ZNF415: variants seen among roughly 807,000 people sequenced by gnomAD.
ZNF415 encodes the protein zinc finger protein 415.
A neutral mutation model predicts 7.3 loss-of-function variants in ZNF415; 5 were observed. The observed-to-expected ratio is 0.69, with a 90% confidence interval of 0.36 to 1.44. The LOEUF is 1.44. ZNF415 is among the 40% of genes most tolerant of loss of function. The probability of loss-of-function intolerance (pLI) is 0.04; values close to 1 mark genes in which losing one functional copy is unlikely to be tolerated. For synonymous variants in ZNF415, 207 were observed against 226.3 expected, an observed-to-expected ratio of 0.91 and a Z score of 0.77; for missense variants, 628 against 664.8, an observed-to-expected ratio of 0.94 and a Z score of 0.61.
rs1246376359 is a variant in ZNF415, at chr19:53,113,398, A to T, written c.136+2915T>A. Among the ~76,000 whole-genome samples the T allele has an allele frequency of 5.1e-5, 4 of 78,848 alleles. 2 individuals carry two copies. The allele number at this position is 78,848 out of a possible 152,430, so 51.7% of individuals were successfully genotyped here. On this transcript the variant is annotated intron_variant, in intron 3 of 3. Transcript: ENST00000243643. ...GGCGCACGCCTGTAGTCCCAGCTAC[A>T]CGGGAGGCTGAGGCAGGAGAATGGC...
chr19:53,124,524 G>A (rs11878412), intron 1 of ZNF415, among the ~76,000 whole-genome samples: 80,497 of 151,916 alleles, frequency 0.53, 22,615 homozygotes, highest in East Asian at 0.67. Flanking sequence ...CACTCACCAG[G>A]CCCTACCTCC....
At chr19:53,120,881 G>A (rs1300246470) in intron 2 of ZNF415, among the ~76,000 whole-genome samples, 3 of 148,478 alleles carry the variant, frequency 2.0e-5, no homozygotes, top group African/African-American at 7.5e-5. Context: ...GTCAGGAGTT[G>A]GAGACCAGCC....
At chr19:53,130,472 T>C (rs2089916576) in intron 1 of ZNF415, among the ~76,000 whole-genome samples, 1 of 152,110 alleles carries the variant, frequency 6.6e-6, no homozygotes, top group African/African-American at 2.4e-5. Context: ...ACATTATATT[T>C]AGAAAATGCC....
At chr19:53,114,253 T>C (rs559879764) in intron 3 of ZNF415, among the ~76,000 whole-genome samples, 56 of 152,278 alleles carry the variant, frequency 3.7e-4, no homozygotes, top group Middle Eastern at 6.8e-3. Context: ...CTCAGCTCAC[T>C]GCAACCTCCG....
At chr19:53,125,738 G>C (rs1328247205) in intron 1 of ZNF415, among the ~76,000 whole-genome samples, 1 of 151,958 alleles carries the variant, frequency 6.6e-6, no homozygotes, top group Non-Finnish European at 1.5e-5. Context: ...GGGAGTTTGA[G>C]GCCAGCCTGA....
intron 1 of ZNF415, among the ~76,000 whole-genome samples, chr19:53,125,113 G>A (rs971003398): frequency 3.3e-5 from 5 of 151,916 alleles, no homozygotes; most frequent in African/African-American, 7.3e-5. Context: ...GCGTGATCTC[G>A]GCTCACTGCA....
chr19:53,115,645 AAG>A, intron 3 of ZNF415: 1 of 1,312,328 alleles, frequency 7.6e-7, no homozygotes, highest in Non-Finnish European at 1.1e-6. Flanking sequence ...CCCACTTGCT[AAG>A]AGTTTCCAAA....
Position 53,108,545 on chromosome 19 carries a change from C to T in ZNF415, c.1500G>A (p.Glu500=), listed in dbSNP as rs770609141. Reference sequence around the variant, plus strand: ...GGCGCACACTAAAGGATTTGCCACACTCATTACATTTGTAAGGTTTTTCTC... The same window carrying T: ...GGCGCACACTAAAGGATTTGCCACATTCATTACATTTGTAAGGTTTTTCTC... The part of the protein sequence containing the change: ...HTGEKPYKCN[E]CGKSFSVRPN... The change falls in exon 4 of 4, where the codon GAG becomes GAA. Residue 500 remains glutamate, a synonymous_variant. Coordinates refer to ENST00000243643, the MANE Select transcript of ZNF415 (RefSeq NM_018355.4). 9.3e-6 allele frequency: 15 copies of T among 1,614,070 alleles called. No homozygotes were observed. In the African/African-American group the frequency reaches 2.0e-4, roughly 22 times the overall value.
intron 1 of ZNF415, among the ~76,000 whole-genome samples, chr19:53,130,029 T>C (rs1388351982): frequency 4.1e-5 from 6 of 146,840 alleles, no homozygotes; most frequent in East Asian, 2.0e-4. Context: ...TGCACCACTG[T>C]ACTCCAGCCT....
Position 53,108,512 on chromosome 19 carries a change from G to C in ZNF415, c.1533C>G (p.Leu511=). 2 of 1,614,054 alleles carry C rather than the reference G, an allele frequency of 1.2e-6. No individual in the cohort carries two copies. Among genetic ancestry groups the C allele is most frequent in the Non-Finnish European group, 8.5e-7 (1 of 1,179,950 alleles). Residue 511 remains leucine, a synonymous_variant, in exon 4 of 4, where the codon CTC becomes CTG. Transcript: ENST00000243643. ...CAGTATGGATTATCTGATGTCTAGTGAGGTTTGGGCGCACACTAAAGGATT... is the reference window on the plus strand; with the variant it reads ...CAGTATGGATTATCTGATGTCTAGTCAGGTTTGGGCGCACACTAAAGGATT... ...CGKSFSVRPN[L]TRHQIIHTGK... is the part of the protein sequence containing the mutation.
At chr19:53,131,274 C>CCAA (rs2090044843) in intron 1 of ZNF415, among the ~76,000 whole-genome samples, 2 of 151,876 alleles carry the variant, frequency 1.3e-5, no homozygotes, top group Non-Finnish European at 1.5e-5. Flanking sequence ...TCCCCCTGCC[C>CCAA]CAACGCCAGG....
At chr19:53,127,600 C>G (rs904417858) in intron 1 of ZNF415, among the ~76,000 whole-genome samples, 1 of 152,154 alleles carries the variant, frequency 6.6e-6, no homozygotes, top group Non-Finnish European at 1.5e-5. Context: ...CCTGATCGGC[C>G]GGGCGTGGTG....
intron 1 of ZNF415, among the ~76,000 whole-genome samples, chr19:53,125,615 G>A (rs1019430752): frequency 2.6e-5 from 4 of 151,770 alleles, no homozygotes; most frequent in Non-Finnish European, 4.4e-5. Flanking sequence ...GATTACAGGC[G>A]TGAGCAACCA....
In ZNF415 at chr19:53,109,369, T is replaced by A; in HGVS notation, c.676A>T (p.Asn226Tyr). 1 of 1,614,194 alleles carries A rather than the reference T, an allele frequency of 6.2e-7. No homozygotes were observed. Among genetic ancestry groups the A allele is most frequent in the South Asian group, 1.1e-5 (1 of 91,082 alleles). Residue 226 changes from asparagine to tyrosine, a missense_variant, in exon 4 of 4, where the codon AAT (asparagine) becomes TAT (tyrosine). Asn to Tyr is a moderately radical substitution (Grantham distance 143). Transcript: ENST00000243643. ...CGTACAGTCATGTGTGAGCCATGAT[T>A]CAAGGCTTTGTCGCACTCAATATAT... ...YRYIECDKALNHGSHMTVRQV... is the reference protein window; with the variant it reads ...YRYIECDKALYHGSHMTVRQV...
intron 2 of ZNF415, among the ~76,000 whole-genome samples, chr19:53,121,380 G>A (rs1233278086): frequency 1.3e-4 from 18 of 138,328 alleles, no homozygotes; most frequent in African/African-American, 4.4e-4. Context: ...CTGAGACTCC[G>A]TCTCAAAAAA....
At chr19:53,132,425 G>A (rs1421238633) in intron 1 of ZNF415, among the ~76,000 whole-genome samples, 3 of 152,142 alleles carry the variant, frequency 2.0e-5, no homozygotes, top group Admixed American at 6.5e-5. Context: ...GAGGAGGAGG[G>A]AGGTGGGGCG....
At chr19:53,130,993 A>G (rs1250636539) in intron 1 of ZNF415, among the ~76,000 whole-genome samples, 1 of 149,262 alleles carries the variant, frequency 6.7e-6, no homozygotes, top group Non-Finnish European at 1.5e-5. Flanking sequence ...TCCGCAGCCC[A>G]GGAAGGCTTT....
At chr19:53,119,997 T>TATTTTAC (rs56110600) in intron 2 of ZNF415, among the ~76,000 whole-genome samples, 97,465 of 151,218 alleles carry the variant, frequency 0.64, 32,264 homozygotes, top group East Asian at 0.79. Context: ...CTCCTCAAAC[T>TATTTTAC]AAAATTGAAA....
chr19:53,115,833 C>G, intron 3 of ZNF415: 1 of 1,529,812 alleles, frequency 6.5e-7, no homozygotes, highest in Non-Finnish European at 8.9e-7. Context: ...GAGAATTTCC[C>G]GCTTATAAAA....
Sources: allele counts gnomAD v4.1 joint callset (sites outside exome capture counted in the v4.1 genomes callset), GRCh38; gene constraint gnomAD v4.1.1; transcripts MANE v1.5; gene names NCBI Gene and HGNC (gene_info 2026-07-23, HGNC 2026-07-21).